WNT4: variants seen among roughly 807,000 people sequenced by gnomAD.
WNT4 encodes protein Wnt-4.
A neutral mutation model predicts 34.5 loss-of-function variants in WNT4; 16 were observed. That is an observed-to-expected ratio of 0.46 (90% confidence interval 0.31 to 0.70). The LOEUF is 0.70. Ranked by LOEUF, WNT4 falls within the 30% of genes least tolerant of loss-of-function variation. The probability of loss-of-function intolerance (pLI) is 0.04; values close to 1 mark genes in which losing one functional copy is unlikely to be tolerated. For synonymous variants in WNT4, 200 were observed against 211.9 expected (o/e 0.94, Z 0.49); for missense variants, 379 against 495.9 (o/e 0.76, Z 2.24).
Position 22,121,536 on chromosome 1 carries a change from T to A in WNT4, c.354A>T (p.Ala118=), listed in dbSNP as rs1645898397. The change falls in exon 3 of 5, where the codon GCA becomes GCT. Residue 118 remains alanine (A), a synonymous_variant. Transcript: ENST00000290167. ...EAAFVYAISS[A]GVAFAVTRAC... ...CCCGCGTCACTGCAAAGGCCACACC[T>A]GCCGAAGAGATGGCGTACACGAAGG... 1 of 1,613,970 alleles carries A rather than the reference T, an allele frequency of 6.2e-7. No individual in the cohort carries two copies. The highest frequency in any genetic ancestry group is 8.5e-7 in the Non-Finnish European group (1 of 1,180,024).
chr1:22,120,581 CG>C, intron 4 of WNT4, 64 bp from the exon 5 acceptor site: 1 of 1,511,960 alleles, frequency 6.6e-7, no homozygotes, highest in Admixed American at 2.0e-5. Context: ...GGGAGGGCCG[CG>C]GAGGCTGACA....
At chr1:22,126,467 C>T (rs549517825) in intron 2 of WNT4, among the ~76,000 whole-genome samples, 1 of 152,340 alleles carries the variant, frequency 6.6e-6, no homozygotes, top group East Asian at 1.9e-4. Context: ...GGGATGTTAC[C>T]ACCCTCTGCT....
At position 22,134,204 on chromosome 1, in the gene WNT4, C is replaced by T. The variant is rs1361135309; in HGVS notation, c.78-4353G>A. On this transcript the variant is annotated intron_variant, in intron 1 of 4. Coordinates refer to ENST00000290167, the MANE Select transcript of WNT4 (RefSeq NM_030761.5). This position sits in a 1 kb window ranked among gnomAD's most constrained non-coding sequence, Gnocchi z 4.1. Reference sequence around the variant, plus strand: ...TGCCTGCCTGGGCCACATTTAGAGCCTCCTCAGGAGCGGTCGTGCCTGCGA... The same window carrying T: ...TGCCTGCCTGGGCCACATTTAGAGCTTCCTCAGGAGCGGTCGTGCCTGCGA... Among the ~76,000 whole-genome samples, 1 of 152,192 alleles carries T rather than the reference C, an allele frequency of 6.6e-6. No individual in the cohort carries two copies. The highest frequency in any genetic ancestry group is 1.5e-5 in the Non-Finnish European group (1 of 68,044).
chr1:22,127,605 G>A (rs1645950923), intron 2 of WNT4: 1 of 390,068 alleles, frequency 2.6e-6, no homozygotes, highest in Admixed American at 3.0e-5. Context: ...TAGAAGCAGT[G>A]TGAACACAAA....
At chr1:22,128,937 G>T (rs975054169) in intron 2 of WNT4, among the ~76,000 whole-genome samples, 2 of 152,158 alleles carry the variant, frequency 1.3e-5, no homozygotes, top group African/African-American at 4.8e-5. Context: ...ACCCAGGATG[G>T]TGTCGATCTC....
chr1:22,136,887 C>A (rs957592522), intron 1 of WNT4, among the ~76,000 whole-genome samples: 1 of 152,152 alleles, frequency 6.6e-6, no homozygotes, highest in African/African-American at 2.4e-5. Flanking sequence ...GCTGGGCACC[C>A]GACTCAGGAG....
At chr1:22,127,604 T>C (rs1645950909) in intron 2 of WNT4, 1 of 390,690 alleles carries the variant, frequency 2.6e-6, no homozygotes, top group East Asian at 7.3e-5. Context: ...CTAGAAGCAG[T>C]GTGAACACAA....
Position 22,121,267 on chromosome 1 carries a change from C to T in WNT4, c.532G>A (p.Gly178Arg). Reference sequence around the variant, plus strand: ...ATGAGGGCTCTGCTGGACGAGGCCCCCTTGCTTCTCTCCCGCACATCCACA... The same window carrying T: ...ATGAGGGCTCTGCTGGACGAGGCCCTCTTGCTTCTCTCCCGCACATCCACA... ...SFVDVRERSK[G>R]ASSSRALMNL... The change falls in exon 4 of 5, where the codon GGG (glycine) becomes AGG (arginine). Residue 178 changes from glycine (G) to arginine (R), a missense_variant. Around this residue, in one of 2 missense-constraint regions of WNT4, gnomAD observed 313 missense variants for 445.8 expected, o/e 0.70. Coordinates refer to ENST00000290167, the MANE Select transcript of WNT4 (RefSeq NM_030761.5). 1 of 1,614,176 alleles carries T rather than the reference C, an allele frequency of 6.2e-7. No homozygotes were observed. Among genetic ancestry groups the T allele is most frequent in the Non-Finnish European group, 8.5e-7 (1 of 1,180,032 alleles).
chr1:22,130,286 CCA>C, intron 1 of WNT4, among the ~76,000 whole-genome samples: 1 of 152,310 alleles, frequency 6.6e-6, no homozygotes, highest in African/African-American at 2.4e-5. Flanking sequence ...GGCAGGAACC[CCA>C]GTGATCCTTG....
In WNT4 at chr1:22,118,504, G is replaced by A. The variant is rs1645866247; in HGVS notation, c.*1546C>T. 6.6e-6 allele frequency: 1 copy of A among 152,430 alleles called. No individual in the cohort carries two copies. The highest frequency in any genetic ancestry group is 1.5e-5 in the Non-Finnish European group (1 of 68,214). The allele number at this position is 152,430 out of a possible 1,614,324, so 9.4% of individuals were successfully genotyped here. A position where few individuals can be genotyped will look rare whatever the true frequency, so the allele number is the denominator to read the frequency against. On this transcript the variant is annotated 3_prime_UTR_variant, in exon 5 of 5. Coordinates refer to ENST00000290167, the MANE Select transcript of WNT4 (RefSeq NM_030761.5). ...TGGCGGTTGTACAGGGTCAGGCCCA[G>A]GTTGCTGGTGCTGTCTCTTGGGAAA... is the stretch of plus-strand genomic sequence containing the variant.
At chr1:22,126,746 C>T (rs1645943357) in intron 2 of WNT4, among the ~76,000 whole-genome samples, 1 of 152,252 alleles carries the variant, frequency 6.6e-6, no homozygotes, top group African/African-American at 2.4e-5. Flanking sequence ...CAGGCTACTG[C>T]AGATGACAGC....
rs1438904045 is a variant in WNT4, at chr1:22,140,025, G to T, written c.77+2821C>A. On this transcript the variant is annotated intron_variant, in intron 1 of 4. Transcript: ENST00000290167. The surrounding 1 kb of genome is among the most constrained non-coding windows in gnomAD (Gnocchi z 5.9). Reference sequence around the variant, plus strand: ...ACAGCTGCACGCGGCGGGACACCTGGCCTCCCCACCAGGCCACCTGCCCTT... The same window carrying T: ...ACAGCTGCACGCGGCGGGACACCTGTCCTCCCCACCAGGCCACCTGCCCTT... 2.6e-5 allele frequency among the ~76,000 whole-genome samples: 4 copies of T among 152,200 alleles called. No homozygotes were observed. Among genetic ancestry groups the T allele is most frequent in the African/African-American group, 9.7e-5 (4 of 41,446 alleles).
chr1:22,135,382 G>A (rs951749839), intron 1 of WNT4, among the ~76,000 whole-genome samples: 1 of 152,242 alleles, frequency 6.6e-6, no homozygotes, highest in Non-Finnish European at 1.5e-5. Flanking sequence ...GCAGTGGAAG[G>A]TCAGGATTTG....
chr1:22,127,318 C>A, intron 2 of WNT4: 1 of 530,360 alleles, frequency 1.9e-6, no homozygotes, highest in East Asian at 5.5e-5. Context: ...GGTTCCTCCC[C>A]CAAAGGTAAG....
chr1:22,129,285 C>T (rs554042945), intron 2 of WNT4, among the ~76,000 whole-genome samples: 3 of 152,248 alleles, frequency 2.0e-5, no homozygotes, highest in Admixed American at 2.0e-4. Flanking sequence ...AGTGGTGTCC[C>T]CTGCCTGAGC....
chr1:22,142,813 CG>C lies in WNT4; in HGVS notation c.77+32del. ...GCTGCCCCCGGGGCCTGCCCCGCCCCGCCCCGCCCCGCTCGGCCCCGGCCAG... is the reference window on the plus strand; with the variant it reads ...GCTGCCCCCGGGGCCTGCCCCGCCCCCCCCGCCCCGCTCGGCCCCGGCCAG... On this transcript the variant is annotated intron_variant, in intron 1 of 4. Transcript: ENST00000290167. The surrounding 1 kb of genome is among the most constrained non-coding windows in gnomAD (Gnocchi z 6.0). 2 of 1,150,466 alleles carry C rather than the reference CG, an allele frequency of 1.7e-6. No homozygotes were observed. Among genetic ancestry groups the C allele is most frequent in the Non-Finnish European group, 2.2e-6 (2 of 913,330 alleles). 71.3% of individuals were successfully genotyped at this position (1,150,466 alleles called of 1,614,324 possible). A position where few individuals can be genotyped will look rare whatever the true frequency, so the allele number is the denominator to read the frequency against.
rs540832835 is a variant in WNT4, at chr1:22,121,146, G to C, written c.588+65C>G. 8.8e-5 allele frequency: 133 copies of C among 1,508,990 alleles called. No individual in the cohort carries two copies. The African/African-American group carries it at 2.4e-3, about 27-fold the overall frequency. 93.5% of individuals were successfully genotyped at this position (1,508,990 alleles called of 1,614,324 possible). ...GTTTTCTGAGTGGCCGTGTGGGTGG[G>C]AGAGTCTGGGGCCCTGCCCATGCTA... is the stretch of plus-strand genomic sequence containing the variant. On this transcript the variant is annotated intron_variant, in intron 4 of 4. Coordinates refer to ENST00000290167, the MANE Select transcript of WNT4 (RefSeq NM_030761.5).
chr1:22,129,600 C>T lies in WNT4; in HGVS notation c.313+16G>A. On this transcript the variant is annotated intron_variant, in intron 2 of 4. Coordinates refer to ENST00000290167, the MANE Select transcript of WNT4 (RefSeq NM_030761.5). ...CACCGCAGGCTCCCCTGCAGCCCCG[C>T]ACGCCCTTCCCTCACCTTGCGTCAC... is the stretch of plus-strand genomic sequence containing the variant. 6.2e-7 allele frequency: 1 copy of T among 1,610,238 alleles called. No homozygotes were observed. The highest frequency in any genetic ancestry group is 1.1e-5 in the South Asian group (1 of 90,680).
In WNT4 at chr1:22,139,880, T is replaced by C. The variant is rs1646052344; in HGVS notation, c.77+2966A>G. The stretch of plus-strand genomic sequence containing the variant: ...GGCCCTCCCTCAGTGGTGGGAGCCG[T>C]CACAAGCTGTCAGCGGGCTCCTCCG... On this transcript the variant is annotated intron_variant, in intron 1 of 4. Transcript: ENST00000290167. This position sits in a 1 kb window ranked among gnomAD's most constrained non-coding sequence, Gnocchi z 4.6. 6.6e-6 allele frequency among the ~76,000 whole-genome samples: 1 copy of C among 152,098 alleles called. No homozygotes were observed. Among genetic ancestry groups the C allele is most frequent in the African/African-American group, 2.4e-5 (1 of 41,416 alleles).
Sources: allele counts gnomAD v4.1 joint callset (sites outside exome capture counted in the v4.1 genomes callset), GRCh38; gene constraint gnomAD v4.1.1; regional missense constraint gnomAD v4.1.1; non-coding constraint Gnocchi (gnomAD v3.1); transcripts MANE v1.5; gene names NCBI Gene and HGNC (gene_info 2026-07-23, HGNC 2026-07-21).